The following UNC5C variants were observed in gnomAD, a reference collection of about 807,000 sequenced individuals.
UNC5C encodes unc-5 netrin receptor C, also known as netrin receptor UNC5C.
A neutral mutation model predicts 99.8 loss-of-function variants in UNC5C; 47 were observed. That is an observed-to-expected ratio of 0.47 (90% CI 0.37 to 0.60). UNC5C has a LOEUF of 0.60. Among genes scored for constraint, UNC5C ranks in the 20% least tolerant of loss-of-function variants. The probability of loss-of-function intolerance (pLI) is 0.00; values close to 1 mark genes in which losing one functional copy is unlikely to be tolerated. For missense variants in UNC5C, 1,062 were observed against 1,165.9 expected (o/e 0.91, Z 1.30); for synonymous variants, 487 against 452.2 (o/e 1.08, Z -0.98).
At chr4:95,304,938 A>G (rs1030901581) in intron 2 of UNC5C, among the ~76,000 whole-genome samples, 1 of 152,194 alleles carries the variant, frequency 6.6e-6, no homozygotes, top group African/African-American at 2.4e-5. Context: ...CCTTTAGCTC[A>G]AATAGGCTCA....
At chr4:95,265,343 G>A (rs1740404327) in intron 4 of UNC5C, among the ~76,000 whole-genome samples, 1 of 152,088 alleles carries the variant, frequency 6.6e-6, no homozygotes, top group African/African-American at 2.4e-5. Flanking sequence ...ACTGCAATAG[G>A]TGTGAATCCA....
At chr4:95,371,560 C>A (rs568164040) in intron 1 of UNC5C, among the ~76,000 whole-genome samples, 5 of 151,972 alleles carry the variant, frequency 3.3e-5, no homozygotes, top group Non-Finnish European at 5.9e-5. Flanking sequence ...TATTTAGTAC[C>A]TGTGTGAATT....
At chr4:95,215,968 A>G (rs978743408) in intron 10 of UNC5C, 156 bp downstream of exon 10, 2 of 539,096 alleles carry the variant, frequency 3.7e-6, no homozygotes, top group African/African-American at 2.0e-5. Flanking sequence ...GACAAAGAGA[A>G]GTAAAACCTG....
intron 1 of UNC5C, among the ~76,000 whole-genome samples, chr4:95,478,636 T>C (rs1375596781): frequency 6.6e-6 from 1 of 152,052 alleles, no homozygotes; most frequent in Non-Finnish European, 1.5e-5. Flanking sequence ...GTGACTCTTC[T>C]TTAATCAATC....
chr4:95,498,793 A>G (rs1318060696), intron 1 of UNC5C, among the ~76,000 whole-genome samples: 10 of 151,418 alleles, frequency 6.6e-5, no homozygotes, highest in Non-Finnish European at 1.3e-4. Context: ...GTTGATTTGT[A>G]TGAAATGACA....
chr4:95,266,587 C>G (rs1457724059), intron 4 of UNC5C, among the ~76,000 whole-genome samples: 1 of 152,142 alleles, frequency 6.6e-6, no homozygotes, highest in Non-Finnish European at 1.5e-5. Flanking sequence ...TTCGCTGTTA[C>G]TGCTATTTTA....
intron 3 of UNC5C, among the ~76,000 whole-genome samples, chr4:95,282,674 G>A (rs1290027098): frequency 1.3e-5 from 2 of 152,162 alleles, no homozygotes; most frequent in Non-Finnish European, 2.9e-5. Flanking sequence ...ACTAAGTGGA[G>A]AGGCCCAGCA....
intron 4 of UNC5C, among the ~76,000 whole-genome samples, chr4:95,259,804 G>A (rs922286437): frequency 4.6e-5 from 7 of 151,934 alleles, no homozygotes; most frequent in African/African-American, 1.7e-4. Context: ...TTGGTAATGA[G>A]GCATAAATGA....
chr4:95,218,000 G>C (rs957444354), intron 9 of UNC5C, among the ~76,000 whole-genome samples: 43 of 152,142 alleles, frequency 2.8e-4, no homozygotes, highest in Admixed American at 2.1e-3. Context: ...GGTAAAAGTT[G>C]CCAAGGCATT....
intron 7 of UNC5C, among the ~76,000 whole-genome samples, chr4:95,227,328 T>A (rs1339015280): frequency 6.6e-6 from 1 of 151,938 alleles, no homozygotes; most frequent in Non-Finnish European, 1.5e-5. Context: ...TTAAAAAATT[T>A]TTTTTGTAGA....
chr4:95,216,534 G>A (rs1395992172), intron 9 of UNC5C, among the ~76,000 whole-genome samples: 2 of 150,694 alleles, frequency 1.3e-5, no homozygotes, highest in Admixed American at 6.6e-5. Context: ...CTGTAATGAT[G>A]CATCATTTCC....
At chr4:95,464,466 T>A (rs1488689574) in intron 1 of UNC5C, among the ~76,000 whole-genome samples, 1 of 152,180 alleles carries the variant, frequency 6.6e-6, no homozygotes, top group Admixed American at 6.5e-5. Flanking sequence ...GTATCCTGGT[T>A]GGTATACGAA....
At chr4:95,483,759 A>G (rs1273528758) in intron 1 of UNC5C, among the ~76,000 whole-genome samples, 1 of 151,674 alleles carries the variant, frequency 6.6e-6, no homozygotes, top group Non-Finnish European at 1.5e-5. Flanking sequence ...ACTGTTTTCA[A>G]CCTGGATCCC....
chr4:95,198,095 C>G (rs1737506437), intron 12 of UNC5C, among the ~76,000 whole-genome samples: 2 of 151,418 alleles, frequency 1.3e-5, no homozygotes, highest in Admixed American at 1.3e-4. Flanking sequence ...TCAAGCAACT[C>G]TCCCACCTCA....
intron 1 of UNC5C, among the ~76,000 whole-genome samples, chr4:95,417,520 A>G (rs902316751): frequency 9.2e-5 from 14 of 152,172 alleles, no homozygotes; most frequent in African/African-American, 2.9e-4. Flanking sequence ...TGCTGTTCAG[A>G]TTGATTAAAA....
At chr4:95,398,448 T>C (rs1421071668) in intron 1 of UNC5C, among the ~76,000 whole-genome samples, 1 of 152,062 alleles carries the variant, frequency 6.6e-6, no homozygotes, top group Non-Finnish European at 1.5e-5. Context: ...CATTCATTCA[T>C]TCATTCATTC....
At chr4:95,340,199 A>G (rs1743513416) in intron 1 of UNC5C, among the ~76,000 whole-genome samples, 3 of 152,142 alleles carry the variant, frequency 2.0e-5, no homozygotes. Flanking sequence ...TTATTGCTAA[A>G]TATCAAGCCT....
chr4:95,539,146 G>A (rs970690), intron 1 of UNC5C, among the ~76,000 whole-genome samples: 2,057 of 152,304 alleles, frequency 0.014, 47 homozygotes, highest in African/African-American at 0.047. Context: ...CTTCCAGAGA[G>A]CACCCAGAGA....
intron 1 of UNC5C, among the ~76,000 whole-genome samples, chr4:95,471,410 A>G (rs951397953): frequency 2.0e-5 from 3 of 152,136 alleles, no homozygotes; most frequent in African/African-American, 7.2e-5. Context: ...GTGTTTAAAT[A>G]AAGGGATTTC....
Sources: allele counts gnomAD v4.1 joint callset (sites outside exome capture counted in the v4.1 genomes callset), GRCh38; gene constraint gnomAD v4.1.1; transcripts MANE v1.5; gene names NCBI Gene and HGNC (gene_info 2026-07-23, HGNC 2026-07-21).